ADGRL3: variants seen among roughly 807,000 people sequenced by gnomAD.
ADGRL3 encodes calcium-independent alpha-latrotoxin receptor 3.
A neutral mutation model predicts 153.5 loss-of-function variants in ADGRL3; 62 were observed. The observed-to-expected ratio is 0.40, with a 90% confidence interval of 0.33 to 0.50. ADGRL3 has a LOEUF of 0.50. Ranked by LOEUF, ADGRL3 falls within the 20% of genes least tolerant of loss-of-function variation. The probability of loss-of-function intolerance (pLI) is 0.47; values close to 1 mark genes in which losing one functional copy is unlikely to be tolerated. For missense variants in ADGRL3, 1,641 were observed against 1,859.4 expected, an observed-to-expected ratio of 0.88 and a Z score of 2.16; for synonymous variants, 710 against 672.5, an observed-to-expected ratio of 1.06 and a Z score of -0.86.
At chr4:61,367,510 A>G (rs1252888173) in intron 1 of ADGRL3, among the ~76,000 whole-genome samples, 13 of 150,964 alleles carry the variant, frequency 8.6e-5, no homozygotes, top group African/African-American at 3.2e-4. Flanking sequence ...TTCTTGGGAT[A>G]GTTTACTGAG....
At chr4:61,498,089 C>A (rs1458090303) in intron 3 of ADGRL3, among the ~76,000 whole-genome samples, 1 of 152,020 alleles carries the variant, frequency 6.6e-6, no homozygotes, top group Non-Finnish European at 1.5e-5. Flanking sequence ...AAAGTAAAAT[C>A]CCACTTATTC....
intron 22 of ADGRL3, among the ~76,000 whole-genome samples, chr4:62,029,214 G>A (rs982075416): frequency 3.3e-5 from 5 of 151,404 alleles, no homozygotes; most frequent in African/African-American, 1.2e-4. Flanking sequence ...ACATACGTCC[G>A]CTTTTCTGTT....
At chr4:61,611,901 A>C (rs542295806) in intron 5 of ADGRL3, among the ~76,000 whole-genome samples, 1 of 152,246 alleles carries the variant, frequency 6.6e-6, no homozygotes, top group East Asian at 1.9e-4. Context: ...GCTAGGTGAC[A>C]GAGTAAGATC....
At chr4:61,237,947 T>C (rs1376307140) in intron 1 of ADGRL3, among the ~76,000 whole-genome samples, 1 of 152,170 alleles carries the variant, frequency 6.6e-6, no homozygotes, top group Non-Finnish European at 1.5e-5. Flanking sequence ...GATGCATAAA[T>C]TGACACTTGC....
intron 1 of ADGRL3, among the ~76,000 whole-genome samples, chr4:61,366,963 G>A (rs1241657772): frequency 6.6e-6 from 1 of 152,108 alleles, no homozygotes; most frequent in Non-Finnish European, 1.5e-5. Context: ...TAGGTTTACT[G>A]TGGCTCTTTC....
chr4:61,671,384 T>G (rs956856823), intron 5 of ADGRL3, among the ~76,000 whole-genome samples: 5 of 152,190 alleles, frequency 3.3e-5, no homozygotes, highest in Admixed American at 1.3e-4. Flanking sequence ...ACGGTCATCA[T>G]ATGACATTCT....
chr4:61,848,637 C>G (rs1259902252), intron 9 of ADGRL3, among the ~76,000 whole-genome samples: 1 of 152,026 alleles, frequency 6.6e-6, no homozygotes, highest in African/African-American at 2.4e-5. Flanking sequence ...CAATTCAACC[C>G]ATATCACCCT....
intron 8 of ADGRL3, among the ~76,000 whole-genome samples, chr4:61,751,322 T>G (rs1316613683): frequency 6.6e-6 from 1 of 152,174 alleles, no homozygotes; most frequent in Admixed American, 6.5e-5. Context: ...TGCCCCTTAT[T>G]CACTGGTTGA....
intron 1 of ADGRL3, among the ~76,000 whole-genome samples, chr4:61,294,221 G>A (rs927682248): frequency 5.3e-5 from 8 of 152,116 alleles, no homozygotes; most frequent in South Asian, 2.1e-4. Context: ...ACAACCTTCA[G>A]GTCAAGTGTG....
At chr4:61,631,757 A>T (rs1162807440) in intron 5 of ADGRL3, among the ~76,000 whole-genome samples, 1 of 151,906 alleles carries the variant, frequency 6.6e-6, no homozygotes, top group Non-Finnish European at 1.5e-5. Flanking sequence ...AAATAAGCTA[A>T]ATTTAATTTT....
At chr4:61,903,988 C>T (rs1327385218) in intron 11 of ADGRL3, among the ~76,000 whole-genome samples, 2 of 151,362 alleles carry the variant, frequency 1.3e-5, no homozygotes, top group African/African-American at 4.9e-5. Flanking sequence ...AGGCTGGTCT[C>T]CAGCTCCTGA....
rs1256593494 is a variant in ADGRL3 at position 61,968,027 on chromosome 4, T to C, written c.2806-11536T>C. The stretch of plus-strand genomic sequence containing the variant: ...AGAAGGCCGAACTTGCCCACTCCCA[T>C]GATAACAATATTAATCCATTCATTA... On this transcript the variant is annotated intron_variant, in intron 17 of 26. Transcript: ENST00000683033. Among the ~76,000 whole-genome samples the C allele has an allele frequency of 3.9e-5, 6 of 152,210 alleles. No individual in the cohort carries two copies. In the South Asian group the frequency reaches 1.0e-3, roughly 26 times the overall value.
intron 9 of ADGRL3, among the ~76,000 whole-genome samples, chr4:61,833,157 G>A (rs1281525720): frequency 6.6e-6 from 1 of 152,138 alleles, no homozygotes; most frequent in African/African-American, 2.4e-5. Flanking sequence ...AAATTGAAGT[G>A]TGTATCACGC....
chr4:61,330,117 G>C (rs1290433677), intron 1 of ADGRL3, among the ~76,000 whole-genome samples: 1 of 152,134 alleles, frequency 6.6e-6, no homozygotes, highest in Non-Finnish European at 1.5e-5. Flanking sequence ...ACTAATTGAA[G>C]TTTTCTTTTT....
At chr4:61,535,380 G>T (rs557632530) in intron 4 of ADGRL3, among the ~76,000 whole-genome samples, 1 of 151,924 alleles carries the variant, frequency 6.6e-6, no homozygotes, top group Non-Finnish European at 1.5e-5. Flanking sequence ...TGTTCATCAG[G>T]GATATTGGTC....
chr4:61,954,457 G>A (rs2098958662), intron 17 of ADGRL3, among the ~76,000 whole-genome samples: 1 of 151,950 alleles, frequency 6.6e-6, no homozygotes, highest in African/African-American at 2.4e-5. Flanking sequence ...TAAAATGTGA[G>A]TTAGATCATG....
At chr4:61,616,076 A>G (rs1471815917) in intron 5 of ADGRL3, among the ~76,000 whole-genome samples, 1 of 152,186 alleles carries the variant, frequency 6.6e-6, no homozygotes, top group Non-Finnish European at 1.5e-5. Context: ...AATTAGACAG[A>G]CAGACAATAG....
chr4:61,651,010 C>CA (rs1478452496), intron 5 of ADGRL3, among the ~76,000 whole-genome samples: 1 of 152,000 alleles, frequency 6.6e-6, no homozygotes, highest in Non-Finnish European at 1.5e-5. Flanking sequence ...AAGGAAATGA[C>CA]AAAGAGATTT....
chr4:61,760,299 G>C (rs931971942), intron 8 of ADGRL3, among the ~76,000 whole-genome samples: 2 of 152,264 alleles, frequency 1.3e-5, no homozygotes. Flanking sequence ...GCTGCAGTGG[G>C]CTCCACCAAG....
Sources: allele counts gnomAD v4.1 joint callset (sites outside exome capture counted in the v4.1 genomes callset), GRCh38; gene constraint gnomAD v4.1.1; transcripts MANE v1.5; gene names NCBI Gene and HGNC (gene_info 2026-07-23, HGNC 2026-07-21).